The following FUT9 variants were observed in gnomAD, a reference collection of about 807,000 sequenced individuals.
FUT9 encodes fucosyltransferase 9.
Under a neutral mutation model 29.7 loss-of-function variants are expected in FUT9, and 15 were observed. The ratio of observed to expected loss-of-function variants is 0.51; its 90% CI spans 0.34 to 0.78. The LOEUF (loss-of-function observed/expected upper bound fraction) is 0.78. Ranked by LOEUF, FUT9 falls within the 30% of genes least tolerant of loss-of-function variation. The pLI is 0.01. For missense variants in FUT9, 319 were observed against 425.4 expected, an observed-to-expected ratio of 0.75 and a Z score of 2.20; for synonymous variants, 169 against 153.7, an observed-to-expected ratio of 1.10 and a Z score of -0.74.
chr6:96,102,965 A>G (rs1389534655), intron 1 of FUT9, among the ~76,000 whole-genome samples: 1 of 152,210 alleles, frequency 6.6e-6, no homozygotes, highest in Non-Finnish European at 1.5e-5. Flanking sequence ...AGAAGGCTAG[A>G]GTGACTAAAG....
Position 96,208,559 on chromosome 6 carries a change from A to G in FUT9, c.*4324A>G, listed in dbSNP as rs1028426810. On this transcript the variant is annotated 3_prime_UTR_variant, in exon 3 of 3. Transcript: ENST00000302103. The stretch of plus-strand genomic sequence containing the variant: ...TTTTTTAAGAGTAGTGACAATGTTT[A>G]TTGGTACCAATTGGAGATGATATTT... 1 of 166,840 alleles carries G rather than the reference A, an allele frequency of 6.0e-6. No homozygotes were observed. The highest frequency in any genetic ancestry group is 1.5e-5 in the Non-Finnish European group (1 of 67,990). 10.3% of individuals were successfully genotyped at this position (166,840 alleles called of 1,614,324 possible).
intron 1 of FUT9, among the ~76,000 whole-genome samples, chr6:96,069,641 T>A (rs1450332158): frequency 6.6e-6 from 1 of 151,442 alleles, no homozygotes; most frequent in African/African-American, 2.4e-5. Flanking sequence ...TTTATTTTAT[T>A]TTTTTGAGAT....
Position 96,209,452 on chromosome 6 carries a change from T to C in FUT9, c.*5217T>C, listed in dbSNP as rs9386381. ...CTTTTGAACTCACTGCTCACTGACA[T>C]CTTAATTGCCTGCAGAAAAATCAAT... On this transcript the variant is annotated 3_prime_UTR_variant, in exon 3 of 3. Transcript: ENST00000302103. 153,476 of 166,800 alleles carry C rather than the reference T, an allele frequency of 0.92. 72,019 individuals are homozygous for C. Among genetic ancestry groups the C allele is most frequent in the Non-Finnish European group, 1 (67,881 of 68,010 alleles). The allele number at this position is 166,800 out of a possible 1,614,324, so 10.3% of individuals were successfully genotyped here. A position where few individuals can be genotyped will look rare whatever the true frequency, so the allele number is the denominator to read the frequency against.
chr6:96,169,862 A>G (rs1027320324), intron 2 of FUT9, among the ~76,000 whole-genome samples: 2 of 152,140 alleles, frequency 1.3e-5, no homozygotes, highest in African/African-American at 2.4e-5. Flanking sequence ...TATGGCAAAG[A>G]TGAGTGAGAG....
At chr6:96,063,946 A>G (rs1770918764) in intron 1 of FUT9, among the ~76,000 whole-genome samples, 1 of 152,194 alleles carries the variant, frequency 6.6e-6, no homozygotes, top group African/African-American at 2.4e-5. Context: ...TCACTGGAAA[A>G]GCTTCAAAAT....
At chr6:96,149,492 A>G (rs1355316265) in intron 2 of FUT9, among the ~76,000 whole-genome samples, 2 of 152,228 alleles carry the variant, frequency 1.3e-5, no homozygotes, top group Non-Finnish European at 2.9e-5. Flanking sequence ...TAACCCTTCT[A>G]GAGAAGTACT....
At chr6:96,199,974 G>A (rs911223126) in intron 2 of FUT9, among the ~76,000 whole-genome samples, 1 of 152,084 alleles carries the variant, frequency 6.6e-6, no homozygotes, top group African/African-American at 2.4e-5. Context: ...CTGCAACCTG[G>A]GGAATCAGTG....
chr6:96,080,533 T>C (rs1348783568), intron 1 of FUT9, among the ~76,000 whole-genome samples: 1 of 151,986 alleles, frequency 6.6e-6, no homozygotes, highest in Non-Finnish European at 1.5e-5. Context: ...GTATTACAAA[T>C]AAAACACTAT....
chr6:96,175,766 T>C (rs1773192090), intron 2 of FUT9, among the ~76,000 whole-genome samples: 1 of 152,230 alleles, frequency 6.6e-6, no homozygotes, highest in Admixed American at 6.5e-5. Flanking sequence ...TTTTAGGCTA[T>C]GTGGGCCATT....
At chr6:96,151,307 A>G (rs186902486) in intron 2 of FUT9, among the ~76,000 whole-genome samples, 114 of 152,328 alleles carry the variant, frequency 7.5e-4, no homozygotes, top group Non-Finnish European at 1.4e-3. Context: ...TATGTATAAT[A>G]GAATTTTTTT....
At position 96,205,558 on chromosome 6, in the gene FUT9, AT is replaced by A. The variant is rs1336680588; in HGVS notation, c.*1325del. On this transcript the variant is annotated 3_prime_UTR_variant, in exon 3 of 3. Transcript: ENST00000302103. ...ATTACATGAAAATTTTGAAGAGTAT[AT>A]TCCTGAACTTGCAGCTGCCTATAGC... 1 of 167,062 alleles carries A rather than the reference AT, an allele frequency of 6.0e-6. No individual in the cohort carries two copies. Among genetic ancestry groups the A allele is most frequent in the Admixed American group, 6.5e-5 (1 of 15,284 alleles). The allele number at this position is 167,062 out of a possible 1,614,324, so 10.3% of individuals were successfully genotyped here.
At chr6:96,193,223 A>C (rs1773550780) in intron 2 of FUT9, among the ~76,000 whole-genome samples, 1 of 140,382 alleles carries the variant, frequency 7.1e-6, no homozygotes, top group African/African-American at 2.6e-5. Context: ...TAAACTAAAG[A>C]GCTTCTGCAC....
At chr6:96,047,894 T>A (rs1770592190) in intron 1 of FUT9, among the ~76,000 whole-genome samples, 1 of 152,200 alleles carries the variant, frequency 6.6e-6, no homozygotes, top group Non-Finnish European at 1.5e-5. Flanking sequence ...TAAAGCAAGG[T>A]AAGCTTATTA....
chr6:96,162,168 A>G (rs1203234341), intron 2 of FUT9, among the ~76,000 whole-genome samples: 3 of 152,128 alleles, frequency 2.0e-5, no homozygotes, highest in Non-Finnish European at 4.4e-5. Flanking sequence ...CCTGTGTCAT[A>G]TCTGAGTCTA....
intron 2 of FUT9, among the ~76,000 whole-genome samples, chr6:96,149,137 TG>T (rs1030783292): frequency 9.4e-5 from 14 of 148,464 alleles, no homozygotes; most frequent in African/African-American, 3.5e-4. Context: ...TACCGCAGCC[TG>T]GGCAACACAG....
intron 2 of FUT9, among the ~76,000 whole-genome samples, chr6:96,130,872 A>C (rs7776333): frequency 0.17 from 26,596 of 152,054 alleles, 2,468 homozygotes; most frequent in Non-Finnish European, 0.2. Flanking sequence ...ATTGCTTGCT[A>C]CTCTGCAGCT....
chr6:96,135,659 G>A (rs1772335062), intron 2 of FUT9, among the ~76,000 whole-genome samples: 1 of 151,698 alleles, frequency 6.6e-6, no homozygotes, highest in Non-Finnish European at 1.5e-5. Flanking sequence ...AGAAAGAAGT[G>A]GGAGGGGAGT....
At chr6:96,056,623 G>A (rs1431773069) in intron 1 of FUT9, among the ~76,000 whole-genome samples, 7 of 152,076 alleles carry the variant, frequency 4.6e-5, no homozygotes, top group Non-Finnish European at 1.0e-4. Flanking sequence ...GGTGGCATGT[G>A]CCTGTAGTCC....
At chr6:96,079,341 AT>A (rs1771197349) in intron 1 of FUT9, among the ~76,000 whole-genome samples, 1 of 152,106 alleles carries the variant, frequency 6.6e-6, no homozygotes, top group Non-Finnish European at 1.5e-5. Context: ...CTCTCTAGGT[AT>A]TTAGGTGGCA....
Sources: gnomAD v4.1 joint callset for allele counts (sites outside exome capture counted in the v4.1 genomes callset) on GRCh38, gnomAD v4.1.1 for gene constraint, MANE v1.5 for transcripts, NCBI Gene and HGNC (gene_info 2026-07-23, HGNC 2026-07-21) for gene names.